The following PTPN18 variants were observed in gnomAD, a reference collection of about 807,000 sequenced individuals.
The protein encoded by PTPN18 is protein tyrosine phosphatase non-receptor type 18.
PTPN18 carries 65 observed loss-of-function variants against 65.4 expected under a neutral mutation model. That is an observed-to-expected ratio of 0.99 (90% confidence interval 0.81 to 1.22). The LOEUF (loss-of-function observed/expected upper bound fraction) is 1.22. Among genes scored for constraint, PTPN18 ranks in the 50% most tolerant of loss-of-function variants. The probability of loss-of-function intolerance (pLI) is 0.00; values close to 1 mark genes in which losing one functional copy is unlikely to be tolerated. For synonymous variants in PTPN18, 255 were observed against 267.8 expected, an observed-to-expected ratio of 0.95 and a Z score of 0.47; for missense variants, 616 against 646.5, an observed-to-expected ratio of 0.95 and a Z score of 0.51.
chr2:130,359,818 C>T lies in PTPN18; in HGVS notation c.414+172C>T, dbSNP rs1052661155. The T allele has an allele frequency of 2.2e-5, 18 of 810,736 alleles. No homozygotes were observed. In the African/African-American group the frequency reaches 2.2e-4, roughly 10 times the overall value. 50.2% of individuals were successfully genotyped at this position (810,736 alleles called of 1,614,324 possible). Reference sequence around the variant, plus strand: ...AGTTTTTGTTGATATGTTATTCATCCCCCAGTGTTGGCAACCCCTCTCCTG... The same window carrying T: ...AGTTTTTGTTGATATGTTATTCATCTCCCAGTGTTGGCAACCCCTCTCCTG... On this transcript the variant is annotated intron_variant, in intron 5 of 14. Coordinates refer to ENST00000175756, the MANE Select transcript of PTPN18 (RefSeq NM_014369.4).
In PTPN18 at chr2:130,371,028, G is replaced by A. The variant is rs561756079; in HGVS notation, c.924+64G>A. On this transcript the variant is annotated intron_variant, in intron 11 of 14. Transcript: ENST00000175756. ...GCACCCTCAGAGACCAGGACCCCGA[G>A]CAGGGTCCAGCCCCCGGGACTACTG... 6.6e-5 allele frequency: 101 copies of A among 1,532,268 alleles called. No individual in the cohort carries two copies. The African/African-American group carries it at 1.2e-3, about 19-fold the overall frequency. 94.9% of individuals were successfully genotyped at this position (1,532,268 alleles called of 1,614,324 possible). A position where few individuals can be genotyped will look rare whatever the true frequency, so the allele number is the denominator to read the frequency against.
Position 130,374,469 on chromosome 2 carries a change from C to T in PTPN18, c.*1245C>T. On this transcript the variant is annotated 3_prime_UTR_variant, in exon 15 of 15. Transcript: ENST00000175756. ...AGGTGTGAGCCACCAGGCTCAGCCCCCTAAGATTTGAAACACTTTAAATGG... is the reference window on the plus strand; with the variant it reads ...AGGTGTGAGCCACCAGGCTCAGCCCTCTAAGATTTGAAACACTTTAAATGG... 1 of 362,188 alleles carries T rather than the reference C, an allele frequency of 2.8e-6. No homozygotes were observed. Among genetic ancestry groups the T allele is most frequent in the Non-Finnish European group, 5.6e-6 (1 of 179,034 alleles). 22.4% of individuals were successfully genotyped at this position (362,188 alleles called of 1,614,324 possible). A position where few individuals can be genotyped will look rare whatever the true frequency, so the allele number is the denominator to read the frequency against.
At chr2:130,365,650 G>A (rs1363566610) in intron 5 of PTPN18, among the ~76,000 whole-genome samples, 1 of 152,152 alleles carries the variant, frequency 6.6e-6, no homozygotes, top group Non-Finnish European at 1.5e-5. Flanking sequence ...TCTAATCAGA[G>A]GTCATAAAGA....
At chr2:130,370,233 G>A (rs1680514269) in intron 8 of PTPN18, 43 bp downstream of exon 8, 1 of 1,602,980 alleles carries the variant, frequency 6.2e-7, no homozygotes, top group Non-Finnish European at 8.5e-7. Flanking sequence ...AGGCAGAGGG[G>A]ACAGAGCATG....
intron 5 of PTPN18, among the ~76,000 whole-genome samples, chr2:130,367,050 A>ATTTTTT (rs57039741): frequency 2.9e-5 from 3 of 104,202 alleles, no homozygotes; most frequent in African/African-American, 7.2e-5. Context: ...GCTAATTTTA[A>ATTTTTT]TTTTTTTTTT....
chr2:130,371,208 C>T lies in PTPN18; in HGVS notation c.934C>T (p.Pro312Ser). 3 of 1,608,790 alleles carry T rather than the reference C, an allele frequency of 1.9e-6. No individual in the cohort carries two copies. Among genetic ancestry groups the T allele is most frequent in the Non-Finnish European group, 2.5e-6 (3 of 1,176,680 alleles). ...TCCTGTTTTTCTTCAGAATTGTGCC[C>T]CACTCTACGACGATGCCCTCTTCCT... ...HYQNIKENCA[P>S]LYDDALFLRT... The change falls in exon 12 of 15, where the codon CCA (proline) becomes TCA (serine). Residue 312 changes from proline (P) to serine (S), a missense_variant. Transcript: ENST00000175756.
chr2:130,359,039 G>T, intron 2 of PTPN18, 64 bp downstream of exon 2: 1 of 1,550,228 alleles, frequency 6.5e-7, no homozygotes, highest in Non-Finnish European at 8.9e-7. Flanking sequence ...CCAGGCGTCA[G>T]TGTGCACTGG....
chr2:130,363,360 T>C (rs879558818), intron 5 of PTPN18, among the ~76,000 whole-genome samples: 5 of 151,926 alleles, frequency 3.3e-5, no homozygotes, highest in Non-Finnish European at 7.4e-5. Context: ...GGCAGAAGAA[T>C]AGCTTGAACC....
At chr2:130,372,725 G>C (rs1680615861) in intron 13 of PTPN18, 148 bp from the exon 14 acceptor site, 1 of 1,051,996 alleles carries the variant, frequency 9.5e-7, no homozygotes, top group Non-Finnish European at 1.4e-6. Context: ...CCAAAGGCTG[G>C]AGGCCACGTC....
intron 1 of PTPN18, 131 bp downstream of exon 1, chr2:130,356,331 C>T: frequency 1.7e-6 from 1 of 603,220 alleles, no homozygotes; most frequent in South Asian, 2.6e-5. Context: ...GGGGGTCTCT[C>T]CGTGTTTCTC....
chr2:130,365,651 G>A (rs1177206826), intron 5 of PTPN18, among the ~76,000 whole-genome samples: 2 of 152,158 alleles, frequency 1.3e-5, no homozygotes, highest in Non-Finnish European at 2.9e-5. Context: ...CTAATCAGAG[G>A]TCATAAAGAC....
intron 5 of PTPN18, among the ~76,000 whole-genome samples, chr2:130,361,540 T>TTCTTTCTTTC (rs1444334078): frequency 3.6e-5 from 5 of 139,368 alleles, no homozygotes; most frequent in African/African-American, 1.3e-4. Context: ...CTTTCTTTCT[T>TTCTTTCTTTC]TCTTTCTTTC....
In PTPN18 at chr2:130,373,040, G is replaced by A; in HGVS notation, c.1315+93G>A. The A allele has an allele frequency of 6.4e-7, 1 of 1,566,850 alleles. No individual in the cohort carries two copies. The highest frequency in any genetic ancestry group is 2.3e-5 in the East Asian group (1 of 44,260). ...ATGGGGCATGGAGCTTAGTCCTGTG[G>A]ATGTGGCTGCAGTGAACCAGGAGGA... On this transcript the variant is annotated intron_variant, in intron 14 of 14. Coordinates refer to ENST00000175756, the MANE Select transcript of PTPN18 (RefSeq NM_014369.4). The surrounding 1 kb of genome is among the most constrained non-coding windows in gnomAD (Gnocchi z 4.1).
At chr2:130,372,637 A>G (rs1288629052) in intron 13 of PTPN18, 154 bp downstream of exon 13, 1 of 1,110,198 alleles carries the variant, frequency 9.0e-7, no homozygotes, top group Non-Finnish European at 1.2e-6. Flanking sequence ...GTCCCTGGCC[A>G]CGCCCCGGAA....
chr2:130,361,522 CTT>C (rs756429074), intron 5 of PTPN18, among the ~76,000 whole-genome samples: 1 of 110,328 alleles, frequency 9.1e-6, no homozygotes, highest in East Asian at 2.9e-4. Flanking sequence ...CTCTTTCTTT[CTT>C]TCTTTCTTTC....
intron 5 of PTPN18, among the ~76,000 whole-genome samples, chr2:130,368,043 C>G (rs1680442033): frequency 6.6e-6 from 1 of 151,772 alleles, no homozygotes; most frequent in Non-Finnish European, 1.5e-5. Flanking sequence ...TTTTTCATTT[C>G]ATATATTTTA....
At chr2:130,364,476 G>A (rs1680321252) in intron 5 of PTPN18, among the ~76,000 whole-genome samples, 1 of 152,120 alleles carries the variant, frequency 6.6e-6, no homozygotes, top group Non-Finnish European at 1.5e-5. Context: ...TGTACCTTTT[G>A]ACTATTGTAA....
At chr2:130,361,830 C>T (rs559505866) in intron 5 of PTPN18, among the ~76,000 whole-genome samples, 29 of 152,218 alleles carry the variant, frequency 1.9e-4, no homozygotes, top group Admixed American at 1.8e-3. Context: ...TCAGGTGATC[C>T]ACCCGCCTCA....
Position 130,372,896 on chromosome 2 carries a change from G to A in PTPN18, c.1264G>A (p.Gly422Arg), listed in dbSNP as rs149020320. The stretch of plus-strand genomic sequence containing the variant: ...AGTTCCTGCTGACCAAAGTCCTGCC[G>A]GATCTGGCGCCTACGAGGACGTGGC... ...GRVPADQSPA[G>R]SGAYEDVAGG... Residue 422 changes from glycine (G) to arginine (R), a missense_variant, in exon 14 of 15, where the codon GGA becomes AGA. Physicochemically the swap from Gly to Arg is moderately radical, Grantham distance 125. Coordinates refer to ENST00000175756, the MANE Select transcript of PTPN18 (RefSeq NM_014369.4). The A allele has an allele frequency of 8.1e-5, 131 of 1,614,228 alleles. No homozygotes were observed. The African/African-American group carries it at 1.7e-3, about 20-fold the overall frequency.
Sources: gnomAD v4.1 joint callset for allele counts (sites outside exome capture counted in the v4.1 genomes callset) on GRCh38, gnomAD v4.1.1 for gene constraint, Gnocchi (gnomAD v3.1) non-coding constraint, MANE v1.5 for transcripts, NCBI Gene and HGNC (gene_info 2026-07-23, HGNC 2026-07-21) for gene names.